The following MAEL variants were observed in gnomAD, a reference collection of about 807,000 sequenced individuals.
The protein encoded by MAEL is maelstrom spermatogenic transposon silencer, also known as protein maelstrom homolog.
MAEL carries 46 observed loss-of-function variants against 62.0 expected under a neutral mutation model. The ratio of observed to expected loss-of-function variants is 0.74; its 90% confidence interval spans 0.59 to 0.95. The LOEUF (loss-of-function observed/expected upper bound fraction) is 0.95. Ranked by LOEUF, MAEL falls within the 40% of genes least tolerant of loss-of-function variation. The probability of loss-of-function intolerance (pLI) is 0.00; values close to 1 mark genes in which losing one functional copy is unlikely to be tolerated. For synonymous variants in MAEL, 172 were observed against 175.5 expected (o/e 0.98, Z 0.16); for missense variants, 497 against 526.8 (o/e 0.94, Z 0.55).
At position 166,991,393 on chromosome 1, in the gene MAEL, C is replaced by T; in HGVS notation, c.241C>T (p.Pro81Ser). Residue 81 changes from proline (P) to serine (S), a missense_variant, in exon 3 of 12, where the codon CCA becomes TCA. Pro to Ser is a moderately conservative substitution (Grantham distance 74, BLOSUM62 -1). Transcript: ENST00000367872. ...TCCTCTTTAGAAACCTGTTTTCACA[C>T]CACTGAGGAGGCCAGGCATGCTTGT... Reference protein sequence around the residue: ...PSEKQKPVFTPLRRPGMLVPK... With the variant: ...PSEKQKPVFTSLRRPGMLVPK... 6.2e-7 allele frequency: 1 copy of T among 1,611,598 alleles called. No homozygotes were observed. The highest frequency in any genetic ancestry group is 8.5e-7 in the Non-Finnish European group (1 of 1,177,818).
intron 8 of MAEL, among the ~76,000 whole-genome samples, chr1:167,015,118 A>C (rs1339893171): frequency 1.3e-5 from 2 of 152,194 alleles, no homozygotes; most frequent in Non-Finnish European, 2.9e-5. Flanking sequence ...AAAGCAAACT[A>C]ATAGCTCTAA....
rs1571277812 is a variant in MAEL at position 167,016,088 on chromosome 1, C to A, written c.846-134C>A. ...GCATTAAAATCTGTTTTTTAAAAATCTTTGTGTTAAATTTGAAGTTTTAGT... is the reference window on the plus strand; with the variant it reads ...GCATTAAAATCTGTTTTTTAAAAATATTTGTGTTAAATTTGAAGTTTTAGT... On this transcript the variant is annotated intron_variant, in intron 8 of 11. Transcript: ENST00000367872. The A allele has an allele frequency of 6.6e-6, 5 of 758,020 alleles. No homozygotes were observed. The East Asian group carries it at 1.3e-4, about 20-fold the overall frequency. The allele number at this position is 758,020 out of a possible 1,614,324, so 47.0% of individuals were successfully genotyped here.
At position 167,004,382 on chromosome 1, in the gene MAEL, T is replaced by G. The variant is rs138053164; in HGVS notation, c.648+78T>G. ...ATCCATAAAACAAAGAATTTTTGCCTGTGTATTTTTGTCTGTATATTGTGT... is the reference window on the plus strand; with the variant it reads ...ATCCATAAAACAAAGAATTTTTGCCGGTGTATTTTTGTCTGTATATTGTGT... On this transcript the variant is annotated intron_variant, in intron 6 of 11. Transcript: ENST00000367872. 10 of 1,353,590 alleles carry G rather than the reference T, an allele frequency of 7.4e-6. No individual in the cohort carries two copies. The East Asian group carries it at 2.2e-4, about 29-fold the overall frequency. 83.8% of individuals were successfully genotyped at this position (1,353,590 alleles called of 1,614,324 possible). A position where few individuals can be genotyped will look rare whatever the true frequency, so the allele number is the denominator to read the frequency against.
At chr1:167,004,332 A>G (rs752730346) in intron 6 of MAEL, 28 bp downstream of exon 6, 1 of 1,563,078 alleles carries the variant, frequency 6.4e-7, no homozygotes, top group South Asian at 1.2e-5. Context: ...AGTTCTTTTA[A>G]GGTATCAATT....
At chr1:166,995,725 T>G (rs1294021443) in intron 5 of MAEL, among the ~76,000 whole-genome samples, 1 of 152,192 alleles carries the variant, frequency 6.6e-6, no homozygotes, top group Non-Finnish European at 1.5e-5. Context: ...TGAATTAATT[T>G]TCAAGTTTTA....
chr1:167,016,439 T>C (rs1199373523), intron 9 of MAEL, among the ~76,000 whole-genome samples, 155 bp downstream of exon 9: 1 of 152,068 alleles, frequency 6.6e-6, no homozygotes, highest in Non-Finnish European at 1.5e-5. Context: ...AGTGAGATAT[T>C]ATCTCACCCT....
intron 8 of MAEL, among the ~76,000 whole-genome samples, chr1:167,014,341 T>G (rs1222492436): frequency 6.6e-6 from 1 of 152,232 alleles, no homozygotes; most frequent in Non-Finnish European, 1.5e-5. Flanking sequence ...ATAGTTTTTC[T>G]TAGTCCATTT....
Position 166,989,320 on chromosome 1 carries a change from C to T in MAEL, c.-33C>T, listed in dbSNP as rs373094105. 14 of 1,599,788 alleles carry T rather than the reference C, an allele frequency of 8.8e-6. No homozygotes were observed. The highest frequency in any genetic ancestry group is 4.5e-5 in the South Asian group (4 of 88,602). ...CCGGCGAGGGCGCCGGTGCTTTGTT[C>T]TGTCTGAGGCCAGGAAGTTTGACCG... On this transcript the variant is annotated 5_prime_UTR_variant, in exon 1 of 12. Coordinates refer to ENST00000367872, the MANE Select transcript of MAEL (RefSeq NM_032858.3).
In MAEL at chr1:167,005,084, T is replaced by C. The variant is rs1328557378; in HGVS notation, c.657T>C (p.Asp219=). Residue 219 remains aspartate, a synonymous_variant, in exon 7 of 12, where the codon GAT becomes GAC. Coordinates refer to ENST00000367872, the MANE Select transcript of MAEL (RefSeq NM_032858.3). ...NWPPIYCKSD[D]RTRVNWCLKH... ...TTTTTTGCTTTCTCCAGTCTGATGA[T>C]AGAACCAGAGTCAACTGGTGTTTGA... 4 of 1,613,512 alleles carry C rather than the reference T, an allele frequency of 2.5e-6. No homozygotes were observed. Among genetic ancestry groups the C allele is most frequent in the South Asian group, 1.1e-5 (1 of 91,010 alleles).
At chr1:166,999,565 A>G (rs57533356) in intron 5 of MAEL, among the ~76,000 whole-genome samples, 77 of 152,388 alleles carry the variant, frequency 5.1e-4, no homozygotes, top group African/African-American at 1.8e-3. Flanking sequence ...AAAGTGAAGG[A>G]GCAAGTGCTG....
chr1:166,989,670 C>A, intron 1 of MAEL, 67 bp from the exon 2 acceptor site: 1 of 1,518,278 alleles, frequency 6.6e-7, no homozygotes, highest in Non-Finnish European at 9.0e-7. Flanking sequence ...CCAGCATCTG[C>A]CTGCGGGCCC....
intron 5 of MAEL, among the ~76,000 whole-genome samples, chr1:166,996,278 G>A (rs1664421574): frequency 6.6e-6 from 1 of 152,142 alleles, no homozygotes; most frequent in Non-Finnish European, 1.5e-5. Flanking sequence ...ACATGCATAT[G>A]GATCTCTCAA....
At position 167,007,368 on chromosome 1, in the gene MAEL, A is replaced by G. The variant is rs140813477; in HGVS notation, c.845+1971A>G. On this transcript the variant is annotated intron_variant, in intron 8 of 11. Transcript: ENST00000367872. ...GCTTCTTTGCTTTCTATTTGGCACA[A>G]TATGTTCCAGGCCTATCTTGTACTT... is the stretch of plus-strand genomic sequence containing the variant. Among the ~76,000 whole-genome samples the G allele has an allele frequency of 2.0e-4, 31 of 152,218 alleles. No individual in the cohort carries two copies. In the East Asian group the frequency reaches 5.4e-3, roughly 27 times the overall value.
At chr1:167,018,100 T>C in intron 10 of MAEL, 141 bp downstream of exon 10, 1 of 677,872 alleles carries the variant, frequency 1.5e-6, no homozygotes, top group Non-Finnish European at 2.3e-6. Flanking sequence ...TCATGGAATG[T>C]CAAACAGTTC....
At chr1:167,007,600 T>G (rs1466889326) in intron 8 of MAEL, among the ~76,000 whole-genome samples, 1 of 55,310 alleles carries the variant, frequency 1.8e-5, no homozygotes, top group Non-Finnish European at 3.5e-5. Flanking sequence ...TGTGTGTGTA[T>G]GTACACACAC....
chr1:167,016,430 G>GAAA, intron 9 of MAEL, 146 bp downstream of exon 9: 1 of 696,678 alleles, frequency 1.4e-6, no homozygotes, highest in Non-Finnish European at 2.5e-6. Context: ...CAAAACTACA[G>GAAA]TGAGATATTA....
chr1:166,993,356 T>C (rs1387416924), intron 4 of MAEL, among the ~76,000 whole-genome samples: 2 of 149,718 alleles, frequency 1.3e-5, no homozygotes, highest in East Asian at 3.8e-4. Flanking sequence ...CTCTCAGATA[T>C]TATCAGCATC....
At chr1:167,002,691 G>A (rs988989809) in intron 5 of MAEL, among the ~76,000 whole-genome samples, 7 of 152,132 alleles carry the variant, frequency 4.6e-5, no homozygotes, top group Admixed American at 6.6e-5. Context: ...AAAGGGGGAA[G>A]GATGGACAGG....
chr1:166,997,312 G>A (rs990419639), intron 5 of MAEL, among the ~76,000 whole-genome samples: 2 of 152,170 alleles, frequency 1.3e-5, no homozygotes, highest in African/African-American at 4.8e-5. Context: ...GCATGCCGTG[G>A]GTTGTACAAG....
Sources: gnomAD v4.1 joint callset for allele counts (sites outside exome capture counted in the v4.1 genomes callset) on GRCh38, gnomAD v4.1.1 for gene constraint, MANE v1.5 for transcripts, NCBI Gene and HGNC (gene_info 2026-07-23, HGNC 2026-07-21) for gene names.